MACROD2: variants seen among roughly 807,000 people sequenced by gnomAD.
MACROD2 encodes mono-ADP ribosylhydrolase 2.
A neutral mutation model predicts 70.4 loss-of-function variants in MACROD2; 36 were observed. That is an observed-to-expected ratio of 0.51 (90% CI 0.39 to 0.68). The LOEUF is 0.68. MACROD2 is among the 30% of genes least tolerant of loss of function. The pLI, the probability that MACROD2 is intolerant of heterozygous loss-of-function variation, is 0.00. For missense variants in MACROD2, 496 were observed against 538.4 expected, an observed-to-expected ratio of 0.92 and a Z score of 0.78; for synonymous variants, 172 against 178.8, an observed-to-expected ratio of 0.96 and a Z score of 0.30.
At chr20:14,631,993 C>A (rs920321267) in intron 4 of MACROD2, 2 of 151,564 alleles carry the variant, frequency 1.3e-5, no homozygotes, top group African/African-American at 4.8e-5. Context: ...GTGTGGTATT[C>A]ATTTTGTAAT....
chr20:14,595,558 T>A (rs529422190), intron 4 of MACROD2, among the ~76,000 whole-genome samples: 1 of 152,178 alleles, frequency 6.6e-6, no homozygotes, highest in Non-Finnish European at 1.5e-5. Context: ...TATATAAAAT[T>A]TCTTTAACCC....
At chr20:14,620,936 G>A (rs1983792828) in intron 4 of MACROD2, among the ~76,000 whole-genome samples, 1 of 151,972 alleles carries the variant, frequency 6.6e-6, no homozygotes, top group South Asian at 2.1e-4. Context: ...ATTGGCAAGT[G>A]GGAAAACAAT....
At chr20:16,013,925 A>T (rs559460777) in intron 15 of MACROD2, among the ~76,000 whole-genome samples, 1 of 152,330 alleles carries the variant, frequency 6.6e-6, no homozygotes, top group East Asian at 1.9e-4. Context: ...GGAGCACTGT[A>T]TTGAATAGAG....
At chr20:15,330,564 T>C (rs191987493) in intron 6 of MACROD2, among the ~76,000 whole-genome samples, 6 of 151,686 alleles carry the variant, frequency 4.0e-5, no homozygotes, top group Admixed American at 2.6e-4. Context: ...ACAAAAAATG[T>C]AGGACTGCTT....
At chr20:14,880,768 G>A (rs142134010) in intron 5 of MACROD2, among the ~76,000 whole-genome samples, 24 of 152,320 alleles carry the variant, frequency 1.6e-4, no homozygotes, top group East Asian at 7.7e-4. Flanking sequence ...TGGTGGAACC[G>A]TCTAACTTAT....
chr20:14,841,070 A>AT (rs1424778037), intron 5 of MACROD2, among the ~76,000 whole-genome samples: 1 of 152,122 alleles, frequency 6.6e-6, no homozygotes, highest in African/African-American at 2.4e-5. Context: ...TTAATGTTAA[A>AT]TTTTTTTATT....
intron 5 of MACROD2, among the ~76,000 whole-genome samples, chr20:14,867,113 G>A (rs1449536314): frequency 2.0e-5 from 3 of 152,066 alleles, no homozygotes; most frequent in Non-Finnish European, 2.9e-5. Context: ...CCTACTTGAT[G>A]CTTTTCTAAA....
chr20:15,232,199 A>G (rs932121527), intron 6 of MACROD2, among the ~76,000 whole-genome samples: 1 of 151,944 alleles, frequency 6.6e-6, no homozygotes, highest in Non-Finnish European at 1.5e-5. Context: ...CTGATTATGT[A>G]GAGGGAAATA....
At chr20:14,685,105 G>A (rs1412971004) in intron 5 of MACROD2, 146 bp downstream of exon 5, 1 of 567,008 alleles carries the variant, frequency 1.8e-6, no homozygotes, top group African/African-American at 1.9e-5. Context: ...ATAAAAACGT[G>A]CTTTCCAAGT....
At chr20:14,468,812 T>TATGTGTGTCATTAC (rs756007173) in intron 3 of MACROD2, among the ~76,000 whole-genome samples, 1 of 152,208 alleles carries the variant, frequency 6.6e-6, no homozygotes, top group African/African-American at 2.4e-5. Context: ...GCCCAGCCTC[T>TATGTGTGTCATTAC]ATGTGTGTCA....
intron 4 of MACROD2, among the ~76,000 whole-genome samples, chr20:14,541,520 A>T (rs1317968085): frequency 5.3e-5 from 8 of 152,042 alleles, no homozygotes; most frequent in Non-Finnish European, 1.0e-4. Flanking sequence ...AAACTCTATA[A>T]AACTGGGTTT....
intron 8 of MACROD2, among the ~76,000 whole-genome samples, chr20:15,678,252 A>G (rs2050099226): frequency 6.6e-6 from 1 of 151,154 alleles, no homozygotes; most frequent in African/African-American, 2.4e-5. Flanking sequence ...TGTAATCCCA[A>G]CAACTCAGGA....
At chr20:16,031,729 TAATC>T (rs1198225042) in intron 15 of MACROD2, among the ~76,000 whole-genome samples, 1 of 152,168 alleles carries the variant, frequency 6.6e-6, no homozygotes, top group Admixed American at 6.6e-5. Context: ...AATGCAATAC[TAATC>T]AATGCACATT....
rs2067440038 is a variant in MACROD2 at position 16,050,099 on chromosome 20, G to A, written c.*223G>A. The A allele has an allele frequency of 2.3e-6, 1 of 437,934 alleles. No homozygotes were observed. Among genetic ancestry groups the A allele is most frequent in the Non-Finnish European group, 4.1e-6 (1 of 241,868 alleles). 27.1% of individuals were successfully genotyped at this position (437,934 alleles called of 1,614,324 possible). ...CCTTTAATTTGGTGGAGGGACCCAT[G>A]TTGACGCATCTTTCAGGCATTATCC... On this transcript the variant is annotated 3_prime_UTR_variant, in exon 18 of 18. Coordinates refer to ENST00000684519, the MANE Select transcript of MACROD2 (RefSeq NM_001351661.2).
chr20:14,096,364 C>CTT (rs71335950), intron 3 of MACROD2, among the ~76,000 whole-genome samples: 2,409 of 118,096 alleles, frequency 0.02, 152 homozygotes, highest in African/African-American at 0.07. Context: ...GTTATTTTAC[C>CTT]TTTTTTTTTT....
chr20:15,348,026 G>A (rs1426740627), intron 6 of MACROD2, among the ~76,000 whole-genome samples: 5 of 152,158 alleles, frequency 3.3e-5, no homozygotes, highest in African/African-American at 7.2e-5. Context: ...TTCCTTCTGG[G>A]CATCCAACCA....
chr20:15,172,595 A>T (rs2076431242), intron 5 of MACROD2, among the ~76,000 whole-genome samples: 1 of 152,004 alleles, frequency 6.6e-6, no homozygotes, highest in Non-Finnish European at 1.5e-5. Flanking sequence ...AATTTTGTAG[A>T]GATGGGATCT....
At chr20:15,795,995 A>G (rs1433692863) in intron 8 of MACROD2, among the ~76,000 whole-genome samples, 1 of 152,170 alleles carries the variant, frequency 6.6e-6, no homozygotes, top group Non-Finnish European at 1.5e-5. Flanking sequence ...CTCAACCTGT[A>G]GACACAAAAG....
chr20:15,865,636 G>A (rs2064481928), intron 9 of MACROD2, among the ~76,000 whole-genome samples: 1 of 152,070 alleles, frequency 6.6e-6, no homozygotes, highest in African/African-American at 2.4e-5. Context: ...GAAAAGGGTT[G>A]GGGGAAAATT....
Sources: gnomAD v4.1 joint callset for allele counts (sites outside exome capture counted in the v4.1 genomes callset) on GRCh38, gnomAD v4.1.1 for gene constraint, MANE v1.5 for transcripts, NCBI Gene and HGNC (gene_info 2026-07-23, HGNC 2026-07-21) for gene names.